DNAH11: variants seen among roughly 807,000 people sequenced by gnomAD.
DNAH11 encodes axonemal beta dynein heavy chain 11.
Under a neutral mutation model 526.0 loss-of-function variants are expected in DNAH11, and 442 were observed. That is an observed-to-expected ratio of 0.84 (90% CI 0.78 to 0.91). DNAH11 has a LOEUF of 0.91. Among genes scored for constraint, DNAH11 ranks in the 40% least tolerant of loss-of-function variants. The pLI, the probability that DNAH11 is intolerant of heterozygous loss-of-function variation, is 0.00. For synonymous variants in DNAH11, 2,461 were observed against 1,935.9 expected (o/e 1.27, Z -7.12); for missense variants, 6,989 against 5,448.7 (o/e 1.28, Z -8.90).
At chr7:21,647,237 T>G (rs1787395423) in intron 28 of DNAH11, among the ~76,000 whole-genome samples, 1 of 152,018 alleles carries the variant, frequency 6.6e-6, no homozygotes, top group South Asian at 2.1e-4. Context: ...TTAAGAAATT[T>G]AATGAGCCCA....
intron 65 of DNAH11, among the ~76,000 whole-genome samples, chr7:21,830,804 G>C (rs775041715): frequency 3.3e-5 from 5 of 152,106 alleles, no homozygotes; most frequent in Non-Finnish European, 7.4e-5. Flanking sequence ...TTTGTACTCA[G>C]AGAAATAGGA....
intron 73 of DNAH11, among the ~76,000 whole-genome samples, chr7:21,871,868 A>G (rs1362443276): frequency 6.6e-6 from 1 of 151,852 alleles, no homozygotes; most frequent in Non-Finnish European, 1.5e-5. Context: ...CAAGCCTGTA[A>G]TCCCAGCACT....
chr7:21,672,483 TG>T (rs140552693), intron 30 of DNAH11, among the ~76,000 whole-genome samples: 12,194 of 152,236 alleles, frequency 0.08, 560 homozygotes, highest in South Asian at 0.12. Flanking sequence ...GATGGGGTCT[TG>T]CTGTGTTGCC....
chr7:21,608,041 T>A (rs1386015922), intron 20 of DNAH11, among the ~76,000 whole-genome samples: 1 of 139,620 alleles, frequency 7.2e-6, no homozygotes, highest in Admixed American at 7.2e-5. Context: ...CTATCTAAAC[T>A]TTTTTTTTTT....
intron 76 of DNAH11, among the ~76,000 whole-genome samples, chr7:21,890,316 G>A (rs1784286784): frequency 6.6e-6 from 1 of 152,152 alleles, no homozygotes; most frequent in Non-Finnish European, 1.5e-5. Context: ...GAAGGCACTT[G>A]TCACATGTCT....
chr7:21,627,872 T>G (rs990360901), intron 25 of DNAH11, among the ~76,000 whole-genome samples: 1 of 152,210 alleles, frequency 6.6e-6, no homozygotes, highest in African/African-American at 2.4e-5. Flanking sequence ...TGGGTAATAT[T>G]GTCATTTTAA....
chr7:21,650,369 A>G (rs1020855094), intron 28 of DNAH11, among the ~76,000 whole-genome samples: 4 of 152,134 alleles, frequency 2.6e-5, no homozygotes, highest in African/African-American at 9.7e-5. Context: ...TGAGATTAAT[A>G]TACTCATTGC....
intron 5 of DNAH11, 34 bp from the exon 6 acceptor site, chr7:21,564,152 C>T (rs769578925): frequency 7.2e-7 from 1 of 1,398,598 alleles, no homozygotes; most frequent in Non-Finnish European, 9.6e-7. Flanking sequence ...AAAAACAAAC[C>T]AGAATCACGT....
At chr7:21,624,676 C>G (rs1786247643) in intron 25 of DNAH11, among the ~76,000 whole-genome samples, 1 of 152,148 alleles carries the variant, frequency 6.6e-6, no homozygotes, top group African/African-American at 2.4e-5. Flanking sequence ...AGTATATTAG[C>G]TGTGTGCTTT....
intron 30 of DNAH11, among the ~76,000 whole-genome samples, chr7:21,670,627 T>C (rs1402921217): frequency 1.3e-5 from 2 of 152,178 alleles, no homozygotes; most frequent in African/African-American, 2.4e-5. Context: ...GTAAGAGTAA[T>C]GTTTCTCCAG....
intron 68 of DNAH11, among the ~76,000 whole-genome samples, chr7:21,858,922 T>C (rs192145888): frequency 1.6e-4 from 24 of 152,298 alleles, no homozygotes; most frequent in African/African-American, 5.5e-4. Flanking sequence ...TTAGTACAGA[T>C]TGAGCCTCCT....
rs558291686 is a variant in DNAH11, at chr7:21,726,891, A to G, written c.7440+907A>G. On this transcript the variant is annotated intron_variant, in intron 45 of 81. Coordinates refer to ENST00000409508, the MANE Select transcript of DNAH11 (RefSeq NM_001277115.2). ...AAAAAAAAAAAAAAAAAAAAAAAAA[A>G]GAATGCTTAGTGAGATGTCTGTTAT... Among the ~76,000 whole-genome samples the G allele has an allele frequency of 2.4e-4, 27 of 114,768 alleles. 2 individuals are homozygous for G. The East Asian group carries it at 8.4e-3, about 36-fold the overall frequency. 75.3% of individuals were successfully genotyped at this position (114,768 alleles called of 152,430 possible). A position where few individuals can be genotyped will look rare whatever the true frequency, so the allele number is the denominator to read the frequency against.
At chr7:21,661,516 A>G (rs1174482563) in intron 30 of DNAH11, among the ~76,000 whole-genome samples, 2 of 151,846 alleles carry the variant, frequency 1.3e-5, no homozygotes, top group Admixed American at 1.3e-4. Context: ...GTAAAATCTT[A>G]TGTCATTCAA....
At chr7:21,705,336 A>G in intron 38 of DNAH11, 124 bp from the exon 39 acceptor site, 1 of 842,012 alleles carries the variant, frequency 1.2e-6, no homozygotes, top group Non-Finnish European at 1.9e-6. Flanking sequence ...ACTTTCTCTG[A>G]ACATACTGTT....
chr7:21,899,557 C>CAAGCAGCAGCCATTATAGAAAG, intron 80 of DNAH11, 109 bp downstream of exon 80: 1 of 840,374 alleles, frequency 1.2e-6, no homozygotes, highest in Non-Finnish European at 1.9e-6. Flanking sequence ...CACCAATCCT[C>CAAGCAGCAGCCATTATAGAAAG]AAGCAGCAGC....
rs1787003414 is a variant in DNAH11 at position 21,639,079 on chromosome 7, T to G, written c.4944+14T>G. 1.2e-6 allele frequency: 2 copies of G among 1,605,462 alleles called. No homozygotes were observed. Among genetic ancestry groups the G allele is most frequent in the Non-Finnish European group, 1.7e-6 (2 of 1,177,308 alleles). Reference sequence around the variant, plus strand: ...CAGCCTAAACAGGTAATATTTTTTTTGAAAGTCTCGTATTATACTGTGTTA... The same window carrying G: ...CAGCCTAAACAGGTAATATTTTTTTGGAAAGTCTCGTATTATACTGTGTTA... On this transcript the variant is annotated intron_variant, in intron 28 of 81. Transcript: ENST00000409508.
intron 49 of DNAH11, among the ~76,000 whole-genome samples, chr7:21,743,551 T>A (rs1309622739): frequency 6.6e-6 from 1 of 152,222 alleles, no homozygotes; most frequent in African/African-American, 2.4e-5. Context: ...GACCTCTTTA[T>A]ATTTTTGTAA....
Position 21,861,837 on chromosome 7 carries a change from A to C in DNAH11, c.11203-16A>C, listed in dbSNP as rs2128030712. 6.2e-7 allele frequency: 1 copy of C among 1,609,886 alleles called. No homozygotes were observed. The highest frequency in any genetic ancestry group is 1.1e-5 in the South Asian group (1 of 89,932). Reference sequence around the variant, plus strand: ...CACCAGTTGTCACATTTTAATGGTCACATTAAATTTCCCAGGCTTTTAACG... The same window carrying C: ...CACCAGTTGTCACATTTTAATGGTCCCATTAAATTTCCCAGGCTTTTAACG... On this transcript the variant is annotated splice_polypyrimidine_tract_variant and intron_variant, in intron 68 of 81. Transcript: ENST00000409508.
chr7:21,572,233 C>G (rs1783921548), intron 8 of DNAH11, among the ~76,000 whole-genome samples: 1 of 152,164 alleles, frequency 6.6e-6, no homozygotes, highest in Non-Finnish European at 1.5e-5. Flanking sequence ...TTTGTGTATG[C>G]TAAACAGAAA....
Sources: allele counts gnomAD v4.1 joint callset (sites outside exome capture counted in the v4.1 genomes callset), GRCh38; gene constraint gnomAD v4.1.1; transcripts MANE v1.5; gene names NCBI Gene and HGNC (gene_info 2026-07-23, HGNC 2026-07-21).